OGG1: variants seen among roughly 807,000 people sequenced by gnomAD.
The protein encoded by OGG1 is N-glycosylase/DNA lyase.
A neutral mutation model predicts 42.3 loss-of-function variants in OGG1; 35 were observed. That is an observed-to-expected ratio of 0.83 (90% CI 0.63 to 1.10). The LOEUF (loss-of-function observed/expected upper bound fraction) is 1.10, where lower values mean the gene tolerates loss of function less well. Among genes scored for constraint, OGG1 ranks in the 50% least tolerant of loss-of-function variants. The probability of loss-of-function intolerance (pLI) is 0.00; values close to 1 mark genes in which losing one functional copy is unlikely to be tolerated. For missense variants in OGG1, 484 were observed against 446.7 expected, an observed-to-expected ratio of 1.08 and a Z score of -0.75; for synonymous variants, 189 against 179.0, an observed-to-expected ratio of 1.06 and a Z score of -0.44.
At chr3:9,766,534 C>G in exon 8 of OGG1, 1 of 497,036 alleles carries the variant, frequency 2.0e-6, no homozygotes, top group Non-Finnish European at 3.1e-6. Context: ...CCCAGATTTA[C>G]TAAATCAATC....
downstream of OGG1, among the ~76,000 whole-genome samples, chr3:9,771,072 G>T (rs1166198119): frequency 1.3e-5 from 2 of 150,592 alleles, no homozygotes; most frequent in African/African-American, 4.9e-5. Flanking sequence ...CTGTCACCCA[G>T]GCTGGAGTGC....
chr3:9,781,738 G>T (rs1427914715), intron 3 of OGG1: 5 of 380,472 alleles, frequency 1.3e-5, no homozygotes, highest in Admixed American at 1.1e-4. Flanking sequence ...TCAGGTCAGG[G>T]GCTGCTTAAG....
chr3:9,765,890 C>G, exon 8 of OGG1: 1 of 1,614,168 alleles, frequency 6.2e-7, no homozygotes, highest in Non-Finnish European at 8.5e-7. Flanking sequence ...AGAAGGCCCC[C>G]CTATCGGGAG....
At chr3:9,780,326 C>A in intron 2 of OGG1, 1 of 1,590,646 alleles carries the variant, frequency 6.3e-7, no homozygotes. Flanking sequence ...CTCCCCTAGG[C>A]CAGATAATCA....
At chr3:9,759,411 C>T, downstream of OGG1, 4 of 1,594,168 alleles carry the variant, frequency 2.5e-6, no homozygotes, top group South Asian at 1.1e-5. Context: ...ATGCCAGGTG[C>T]TGTGCAAGCT....
Position 9,750,305 on chromosome 3 carries a change from C to G in OGG1, c.19C>G (p.Leu7Val). Residue 7 changes from leucine (L) to valine (V), a missense_variant, in exon 1 of 7, where the codon CTG becomes GTG. Transcript: ENST00000344629. MPARAL[L>V]PRRMGHRTLA... ...TGTGGAAATGCCTGCCCGCGCGCTT[C>G]TGCCCAGGCGCATGGGGCATCGTAC... 2 of 1,612,338 alleles carry G rather than the reference C, an allele frequency of 1.2e-6. No individual in the cohort carries two copies. Among genetic ancestry groups the G allele is most frequent in the South Asian group, 1.1e-5 (1 of 91,058 alleles).
chr3:9,760,609 A>T (rs1279172100), downstream of OGG1: 1 of 1,599,200 alleles, frequency 6.3e-7, no homozygotes, highest in Non-Finnish European at 8.6e-7. Context: ...CAGGTGAGGG[A>T]GGAACCAGAG....
chr3:9,756,948 T>C, intron 6 of OGG1, 113 bp from the exon 7 acceptor site: 1 of 1,612,008 alleles, frequency 6.2e-7, no homozygotes. Flanking sequence ...TGGATTCTCA[T>C]TGCCTTCGGC....
chr3:9,785,670 A>G (rs2078590587), intron 3 of OGG1, among the ~76,000 whole-genome samples: 1 of 152,248 alleles, frequency 6.6e-6, no homozygotes, highest in Non-Finnish European at 1.5e-5. Flanking sequence ...CAATGATGGT[A>G]ATGAACAGCT....
At chr3:9,777,311 A>G (rs910418481) in intron 2 of OGG1, among the ~76,000 whole-genome samples, 3 of 152,198 alleles carry the variant, frequency 2.0e-5, no homozygotes, top group Non-Finnish European at 4.4e-5. Context: ...TACTGGAACT[A>G]ATCCGCCCTC....
chr3:9,757,464 G>A (rs55801042), downstream of OGG1: 1,336 of 1,602,238 alleles, frequency 8.3e-4, 17 homozygotes, highest in East Asian at 0.026. The surrounding 1 kb of genome is among the most constrained non-coding windows in gnomAD (Gnocchi z 4.5). Flanking sequence ...AGAAACTCCC[G>A]GTTCAGGGAG....
rs1353575910 is a variant in OGG1 at position 9,754,591 on chromosome 3, A to G, written c.566-113A>G. ...ACTATCCCATAGAGGGTGGGGAGGT[A>G]GGAGGGGAACTTAGGAAAAGCACTC... On this transcript the variant is annotated intron_variant, in intron 3 of 6. Coordinates refer to ENST00000344629, the MANE Select transcript of OGG1 (RefSeq NM_002542.6). The G allele has an allele frequency of 6.3e-6, 7 of 1,110,282 alleles. No individual in the cohort carries two copies. In the African/African-American group the frequency reaches 7.7e-5, roughly 12 times the overall value. 68.8% of individuals were successfully genotyped at this position (1,110,282 alleles called of 1,614,324 possible).
At chr3:9,770,110 TCTC>T (rs1281161898), downstream of OGG1, 1 of 152,296 alleles carries the variant, frequency 6.6e-6, no homozygotes, top group African/African-American at 2.4e-5. Context: ...TGGTCAGAGA[TCTC>T]CTGCTGGACG....
rs2077274392 is a variant in OGG1, at chr3:9,750,985, G to A, written c.178G>A (p.Ala60Thr). The part of the protein sequence containing the change: ...QSPAHWSGVL[A>T]DQVWTLTQTE... ...TCCTGCACACTGGAGTGGTGTACTA[G>A]CGGATCAAGTATGGACACTGACTCA... Residue 60 changes from alanine to threonine, a missense_variant, in exon 2 of 7, where the codon GCG becomes ACG. Transcript: ENST00000344629. 6.2e-7 allele frequency: 1 copy of A among 1,614,138 alleles called. No individual in the cohort carries two copies.
chr3:9,790,056 G>C, downstream of OGG1: 1 of 1,430,846 alleles, frequency 7.0e-7, no homozygotes, highest in South Asian at 1.5e-5. Context: ...AGAATCTACA[G>C]AGGCTCCTGG....
downstream of OGG1, chr3:9,759,498 C>A: frequency 6.2e-7 from 1 of 1,614,182 alleles, no homozygotes; most frequent in Non-Finnish European, 8.5e-7. Context: ...CTTCCACTTG[C>A]TCTTGGCAAA....
chr3:9,782,899 TGC>T (rs1349381497), intron 3 of OGG1, among the ~76,000 whole-genome samples: 1 of 152,214 alleles, frequency 6.6e-6, no homozygotes, highest in East Asian at 1.9e-4. Flanking sequence ...TTGTTCGGGT[TGC>T]TTCCCTATCT....
At chr3:9,759,176 T>A, downstream of OGG1, 1 of 1,606,744 alleles carries the variant, frequency 6.2e-7, no homozygotes, top group Non-Finnish European at 8.5e-7. Context: ...TAATTCCTAC[T>A]TAACTGACAG....
downstream of OGG1, chr3:9,760,189 G>A (rs2077783458): frequency 5.2e-6 from 1 of 192,666 alleles, no homozygotes; most frequent in Non-Finnish European, 1.1e-5. Flanking sequence ...GTTGCAGTGA[G>A]CCGAGATTGT....
Sources: allele counts gnomAD v4.1 joint callset (sites outside exome capture counted in the v4.1 genomes callset), GRCh38; gene constraint gnomAD v4.1.1; non-coding constraint Gnocchi (gnomAD v3.1); transcripts MANE v1.5; gene names NCBI Gene and HGNC (gene_info 2026-07-23, HGNC 2026-07-21).